DPPA2: variants seen among roughly 807,000 people sequenced by gnomAD.
DPPA2 encodes developmental pluripotency-associated protein 2.
DPPA2 carries 26 observed loss-of-function variants against 36.2 expected under a neutral mutation model. That is an observed-to-expected ratio of 0.72 (90% CI 0.53 to 1.00). The LOEUF is 1.00. Ranked by LOEUF, DPPA2 falls within the 50% of genes least tolerant of loss-of-function variation. The probability of loss-of-function intolerance (pLI) is 0.00; values close to 1 mark genes in which losing one functional copy is unlikely to be tolerated. For missense variants in DPPA2, 361 were observed against 365.1 expected (o/e 0.99, Z 0.09); for synonymous variants, 113 against 123.2 (o/e 0.92, Z 0.55).
rs142258802 is a variant in DPPA2, at chr3:109,310,652, C to T, written c.182-1322G>A. Among the ~76,000 whole-genome samples, 863 of 149,970 alleles carry T rather than the reference C, an allele frequency of 5.8e-3. 10 individuals are homozygous for T. The highest frequency in any genetic ancestry group is 0.02 in the African/African-American group (825 of 40,822). ...TCCCGAGTAGGTGGGACTACAGGCACGCGCCACCATGCCCAGCTAATTTTT... is the reference window on the plus strand; with the variant it reads ...TCCCGAGTAGGTGGGACTACAGGCATGCGCCACCATGCCCAGCTAATTTTT... On this transcript the variant is annotated intron_variant, in intron 3 of 8. Coordinates refer to ENST00000478945, the MANE Select transcript of DPPA2 (RefSeq NM_138815.4).
chr3:109,307,368 G>A (rs563856883), intron 6 of DPPA2, among the ~76,000 whole-genome samples: 52 of 152,054 alleles, frequency 3.4e-4, no homozygotes, highest in East Asian at 1.8e-3. Context: ...TTGGGAGGCC[G>A]AGGTGGGTGG....
chr3:109,312,510 A>G, intron 3 of DPPA2, 35 bp downstream of exon 3: 1 of 1,588,590 alleles, frequency 6.3e-7, no homozygotes, highest in Non-Finnish European at 8.6e-7. Flanking sequence ...CCAGAGTTGT[A>G]GGAGTAACTA....
rs539516223 is a variant in DPPA2, at chr3:109,303,234, A to T, written c.854+1241T>A. Reference sequence around the variant, plus strand: ...ATGAGCCACTGCAACTGGCCATCATATTTTTTATTTCCCTGTGTTTGTACT... The same window carrying T: ...ATGAGCCACTGCAACTGGCCATCATTTTTTTTATTTCCCTGTGTTTGTACT... On this transcript the variant is annotated intron_variant, in intron 7 of 8. Coordinates refer to ENST00000478945, the MANE Select transcript of DPPA2 (RefSeq NM_138815.4). Among the ~76,000 whole-genome samples, 39 of 151,964 alleles carry T rather than the reference A, an allele frequency of 2.6e-4. No homozygotes were observed. The East Asian group carries it at 7.6e-3, about 30-fold the overall frequency.
chr3:109,313,852 G>T (rs1056324243), intron 2 of DPPA2, among the ~76,000 whole-genome samples: 1 of 152,074 alleles, frequency 6.6e-6, no homozygotes, highest in African/African-American at 2.4e-5. Flanking sequence ...GAAAAGTAGG[G>T]GCTCAAAGCA....
At chr3:109,305,038 C>T (rs911240006) in intron 6 of DPPA2, among the ~76,000 whole-genome samples, 3 of 151,794 alleles carry the variant, frequency 2.0e-5, no homozygotes, top group East Asian at 1.9e-4. Flanking sequence ...CCCAGCTACT[C>T]GGGAGGCTGA....
At position 109,304,788 on chromosome 3, in the gene DPPA2, T is replaced by C. The variant is rs1476985815; in HGVS notation, c.659-118A>G. 5 of 1,004,124 alleles carry C rather than the reference T, an allele frequency of 5.0e-6. No individual in the cohort carries two copies. The East Asian group carries it at 1.3e-4, about 27-fold the overall frequency. The allele number at this position is 1,004,124 out of a possible 1,614,324, so 62.2% of individuals were successfully genotyped here. ...CTGCTCACAAATCAATTGAATGAGA[T>C]GCATGAAAACCTAGACCACATGACA... On this transcript the variant is annotated intron_variant, in intron 6 of 8. Coordinates refer to ENST00000478945, the MANE Select transcript of DPPA2 (RefSeq NM_138815.4).
chr3:109,299,496 AAC>A (rs1310536894), intron 8 of DPPA2, among the ~76,000 whole-genome samples: 1 of 151,528 alleles, frequency 6.6e-6, no homozygotes, highest in African/African-American at 2.4e-5. Context: ...CAGCCTGGGC[AAC>A]AGAGTGAGAC....
At chr3:109,314,389 A>C (rs1270883733) in intron 2 of DPPA2, 121 bp downstream of exon 2, 6 of 1,032,320 alleles carry the variant, frequency 5.8e-6, no homozygotes, top group Non-Finnish European at 8.1e-6. Flanking sequence ...AGGAGGTTTC[A>C]AGATGGAGAT....
intron 5 of DPPA2, 80 bp from the exon 6 acceptor site, chr3:109,308,373 T>C: frequency 1.3e-6 from 2 of 1,484,440 alleles, no homozygotes; most frequent in Non-Finnish European, 1.8e-6. Flanking sequence ...TTATTCTTTT[T>C]TTTTTTGAGA....
At chr3:109,314,857 A>G (rs1707763517) in intron 1 of DPPA2, among the ~76,000 whole-genome samples, 1 of 152,106 alleles carries the variant, frequency 6.6e-6, no homozygotes, top group Non-Finnish European at 1.5e-5. Flanking sequence ...TGAGTCCAGG[A>G]GTTCGAGATC....
chr3:109,310,087 G>C (rs1707670606), intron 3 of DPPA2, among the ~76,000 whole-genome samples: 1 of 151,846 alleles, frequency 6.6e-6, no homozygotes, highest in Non-Finnish European at 1.5e-5. Context: ...AATTAGCCAG[G>C]TGTGGTGGCA....
chr3:109,311,567 C>G (rs887164354), intron 3 of DPPA2, among the ~76,000 whole-genome samples: 5 of 151,968 alleles, frequency 3.3e-5, no homozygotes, highest in African/African-American at 1.2e-4. Flanking sequence ...TGGCAAAACT[C>G]CATCTCTATT....
intron 8 of DPPA2, among the ~76,000 whole-genome samples, chr3:109,299,554 T>C (rs1188346465): frequency 6.6e-6 from 1 of 150,638 alleles, no homozygotes; most frequent in Non-Finnish European, 1.5e-5. Flanking sequence ...GGCGTGGTGG[T>C]GTGCACCTGT....
intron 3 of DPPA2, among the ~76,000 whole-genome samples, chr3:109,311,526 G>A (rs1390342100): frequency 6.6e-6 from 1 of 152,132 alleles, no homozygotes; most frequent in African/African-American, 2.4e-5. Context: ...GATCACCTGA[G>A]GTCAGAAGTT....
intron 8 of DPPA2, among the ~76,000 whole-genome samples, chr3:109,299,663 G>T (rs2107303398): frequency 6.7e-6 from 1 of 148,590 alleles, no homozygotes; most frequent in South Asian, 2.1e-4. Context: ...TCCAGCCTGG[G>T]CGACAAGAAT....
intron 7 of DPPA2, among the ~76,000 whole-genome samples, chr3:109,302,751 T>A (rs1177463040): frequency 2.3e-5 from 3 of 133,042 alleles, no homozygotes; most frequent in Non-Finnish European, 4.8e-5. Flanking sequence ...TTTAGCCCAC[T>A]TACAAAAAAA....
intron 3 of DPPA2, among the ~76,000 whole-genome samples, chr3:109,310,269 G>A (rs1271716911): frequency 6.7e-6 from 1 of 149,402 alleles, no homozygotes. Context: ...GGGCATGGGG[G>A]TGCACACCTG....
At chr3:109,300,515 C>A in intron 7 of DPPA2, 80 bp from the exon 8 acceptor site, 1 of 1,390,662 alleles carries the variant, frequency 7.2e-7, no homozygotes, top group Non-Finnish European at 1.0e-6. Context: ...TTAAAATGAC[C>A]AATAAAATAA....
At chr3:109,311,932 T>C (rs1272223506) in intron 3 of DPPA2, among the ~76,000 whole-genome samples, 1 of 152,128 alleles carries the variant, frequency 6.6e-6, no homozygotes, top group African/African-American at 2.4e-5. Flanking sequence ...ATTCATCTCG[T>C]TTTTATAGAA....
Sources: allele counts gnomAD v4.1 joint callset (sites outside exome capture counted in the v4.1 genomes callset), GRCh38; gene constraint gnomAD v4.1.1; transcripts MANE v1.5; gene names NCBI Gene and HGNC (gene_info 2026-07-23, HGNC 2026-07-21).